LDLRAD3: variants seen among roughly 807,000 people sequenced by gnomAD.
LDLRAD3 encodes the protein low-density lipoprotein receptor class A domain-containing protein 3.
In LDLRAD3, 20 loss-of-function variants were observed where a neutral mutation model predicts 29.4. The observed-to-expected ratio is 0.68, with a 90% confidence interval of 0.48 to 0.99. The LOEUF (loss-of-function observed/expected upper bound fraction) is 0.99, where lower values mean the gene tolerates loss of function less well. LDLRAD3 is among the 50% of genes least tolerant of loss of function. The pLI, the probability that LDLRAD3 is intolerant of heterozygous loss-of-function variation, is 0.00. For synonymous variants in LDLRAD3, 157 were observed against 192.7 expected, an observed-to-expected ratio of 0.81 and a Z score of 1.53; for missense variants, 420 against 454.3, an observed-to-expected ratio of 0.92 and a Z score of 0.69.
At chr11:36,221,244 G>A (rs529600433) in intron 4 of LDLRAD3, among the ~76,000 whole-genome samples, 3 of 152,124 alleles carry the variant, frequency 2.0e-5, no homozygotes, top group South Asian at 4.2e-4. Flanking sequence ...CCAGTTACTC[G>A]TGAGGCTGAG....
At chr11:36,090,231 C>T (rs1853259906) in intron 3 of LDLRAD3, among the ~76,000 whole-genome samples, 1 of 152,034 alleles carries the variant, frequency 6.6e-6, no homozygotes, top group African/African-American at 2.4e-5. Context: ...ATTTTATACT[C>T]AGTGAGAAGC....
intron 1 of LDLRAD3, among the ~76,000 whole-genome samples, chr11:36,022,296 T>C (rs1233444972): frequency 2.0e-5 from 3 of 152,228 alleles, no homozygotes; most frequent in Non-Finnish European, 4.4e-5. Flanking sequence ...ATCTAGTCTT[T>C]ATATCATAGT....
chr11:36,029,663 A>G (rs1852211422), intron 1 of LDLRAD3, among the ~76,000 whole-genome samples: 1 of 152,170 alleles, frequency 6.6e-6, no homozygotes, highest in Non-Finnish European at 1.5e-5. Context: ...TCATAAAACT[A>G]TTTCCTGGTG....
At chr11:36,118,054 G>A (rs556978965) in intron 4 of LDLRAD3, among the ~76,000 whole-genome samples, 1 of 152,262 alleles carries the variant, frequency 6.6e-6, no homozygotes, top group Non-Finnish European at 1.5e-5. Flanking sequence ...AAATGTGGAT[G>A]GTGAGTTCCA....
intron 4 of LDLRAD3, among the ~76,000 whole-genome samples, chr11:36,156,324 C>T (rs1419673194): frequency 6.6e-6 from 1 of 152,172 alleles, no homozygotes; most frequent in Non-Finnish European, 1.5e-5. Context: ...TACACATTGT[C>T]ACTGCAAACT....
intron 4 of LDLRAD3, among the ~76,000 whole-genome samples, chr11:36,176,901 A>G (rs1854686790): frequency 6.6e-6 from 1 of 152,130 alleles, no homozygotes; most frequent in Admixed American, 6.5e-5. Flanking sequence ...ATTCCCTCAA[A>G]TACGTTTTCC....
At chr11:36,224,330 T>C (rs1855469704) in intron 4 of LDLRAD3, among the ~76,000 whole-genome samples, 1 of 152,076 alleles carries the variant, frequency 6.6e-6, no homozygotes, top group South Asian at 2.1e-4. Context: ...CTCAAACAGC[T>C]AGAAGCAGTG....
At position 36,158,525 on chromosome 11, in the gene LDLRAD3, C is replaced by CTTTT. The variant is rs61352747; in HGVS notation, c.454+60079_454+60082dup. On this transcript the variant is annotated intron_variant, in intron 4 of 5. Transcript: ENST00000315571. The stretch of plus-strand genomic sequence containing the variant: ...TTCGTTCCACTTACCATGTTCTGGG[C>CTTTT]TTTTTTTTTTTTTTTTTTGCCACAG... Among the ~76,000 whole-genome samples the CTTTT allele has an allele frequency of 7.1e-3, 757 of 107,026 alleles. 19 individuals are homozygous for CTTTT. Among genetic ancestry groups the CTTTT allele is most frequent in the South Asian group, 9.7e-3 (28 of 2,882 alleles). 70.2% of individuals were successfully genotyped at this position (107,026 alleles called of 152,430 possible).
At chr11:36,120,359 T>C (rs1357677634) in intron 4 of LDLRAD3, among the ~76,000 whole-genome samples, 3 of 152,190 alleles carry the variant, frequency 2.0e-5, no homozygotes, top group African/African-American at 7.2e-5. Flanking sequence ...ACCAGAATAT[T>C]TTCTGCTCCA....
intron 4 of LDLRAD3, among the ~76,000 whole-genome samples, chr11:36,193,341 A>T (rs545560135): frequency 6.6e-6 from 1 of 152,184 alleles, no homozygotes; most frequent in East Asian, 1.9e-4. Flanking sequence ...CTGGCCACCA[A>T]AATAGCTTAT....
intron 2 of LDLRAD3, among the ~76,000 whole-genome samples, chr11:36,056,525 G>A (rs1852623150): frequency 6.6e-6 from 1 of 152,180 alleles, no homozygotes; most frequent in Admixed American, 6.5e-5. Flanking sequence ...GAACCACTCT[G>A]CTGTGCTGCC....
intron 3 of LDLRAD3, 57 bp from the exon 4 acceptor site, chr11:36,098,270 G>A (rs1853392635): frequency 6.2e-7 from 1 of 1,603,680 alleles, no homozygotes; most frequent in Non-Finnish European, 8.5e-7. Context: ...GAAGTTCCAG[G>A]GTCCCCAAGG....
intron 1 of LDLRAD3, among the ~76,000 whole-genome samples, chr11:35,949,682 C>A (rs1233323321): frequency 6.6e-6 from 1 of 152,206 alleles, no homozygotes; most frequent in Non-Finnish European, 1.5e-5. Context: ...CTTTAAGACA[C>A]TTTTCCTTCC....
chr11:35,951,088 T>TA (rs980355580), intron 1 of LDLRAD3, among the ~76,000 whole-genome samples: 3 of 151,264 alleles, frequency 2.0e-5, no homozygotes, highest in Admixed American at 2.0e-4. Flanking sequence ...TCTCAAAAAA[T>TA]AAAAAATTAA....
intron 1 of LDLRAD3, among the ~76,000 whole-genome samples, chr11:35,970,492 G>A (rs981956279): frequency 3.2e-4 from 48 of 152,156 alleles, no homozygotes; most frequent in African/African-American, 1.2e-3. Context: ...TGGCCCTGCC[G>A]ACACCTTGAA....
chr11:35,964,904 A>G (rs1851319799), intron 1 of LDLRAD3, among the ~76,000 whole-genome samples: 1 of 151,780 alleles, frequency 6.6e-6, no homozygotes, highest in Non-Finnish European at 1.5e-5. Context: ...TAGGAAGATA[A>G]CTTGAACCCA....
chr11:36,029,167 C>G (rs779256699), intron 1 of LDLRAD3, among the ~76,000 whole-genome samples: 4 of 152,162 alleles, frequency 2.6e-5, no homozygotes, highest in Non-Finnish European at 4.4e-5. Flanking sequence ...ATCGCTTGAA[C>G]CCGGGAGGCG....
intron 1 of LDLRAD3, among the ~76,000 whole-genome samples, chr11:36,034,380 A>G (rs1852277622): frequency 6.6e-6 from 1 of 152,092 alleles, no homozygotes; most frequent in Non-Finnish European, 1.5e-5. Context: ...CAACTGTGGC[A>G]ATGGAGAGTC....
At chr11:35,959,501 C>T (rs1851249025) in intron 1 of LDLRAD3, among the ~76,000 whole-genome samples, 1 of 152,136 alleles carries the variant, frequency 6.6e-6, no homozygotes, top group African/African-American at 2.4e-5. Context: ...TTTTTAATTA[C>T]TTTAAATTAT....
Sources: gnomAD v4.1 joint callset for allele counts (sites outside exome capture counted in the v4.1 genomes callset) on GRCh38, gnomAD v4.1.1 for gene constraint, MANE v1.5 for transcripts, NCBI Gene and HGNC (gene_info 2026-07-23, HGNC 2026-07-21) for gene names.